CCSER1: variants seen among roughly 807,000 people sequenced by gnomAD.
The protein encoded by CCSER1 is coiled-coil serine rich protein 1.
Under a neutral mutation model 82.0 loss-of-function variants are expected in CCSER1, and 41 were observed. That is an observed-to-expected ratio of 0.50 (90% CI 0.39 to 0.65). The LOEUF is 0.65. Ranked by LOEUF, CCSER1 falls within the 30% of genes least tolerant of loss-of-function variation. The pLI, the probability that CCSER1 is intolerant of heterozygous loss-of-function variation, is 0.00. For missense variants in CCSER1, 1,119 were observed against 1,064.2 expected (o/e 1.05, Z -0.72); for synonymous variants, 414 against 383.9 (o/e 1.08, Z -0.92).
rs941447840 is a variant in CCSER1, at chr4:90,514,760, TA to T, written c.1724+46415del. Among the ~76,000 whole-genome samples, 7 of 148,702 alleles carry T rather than the reference TA, an allele frequency of 4.7e-5. 2 individuals carry two copies. The highest frequency in any genetic ancestry group is 4.3e-4 in the South Asian group (2 of 4,692). On this transcript the variant is annotated intron_variant, in intron 5 of 10. Coordinates refer to ENST00000509176, the MANE Select transcript of CCSER1 (RefSeq NM_001145065.2). ...GACAGAGGAGACGCCGTTGCAAAAA[TA>T]AAAAAAAAGAAAATATTTTAAACCT...
At chr4:90,602,398 T>C (rs1447887471) in intron 5 of CCSER1, among the ~76,000 whole-genome samples, 1 of 152,208 alleles carries the variant, frequency 6.6e-6, no homozygotes, top group African/African-American at 2.4e-5. Flanking sequence ...TATGACTTTA[T>C]ATTTGCATTT....
chr4:90,744,939 A>T (rs1480718304), intron 7 of CCSER1, among the ~76,000 whole-genome samples: 2 of 145,554 alleles, frequency 1.4e-5, no homozygotes, highest in South Asian at 4.3e-4. Flanking sequence ...TGTACTAAAA[A>T]TTCATACATT....
intron 1 of CCSER1, among the ~76,000 whole-genome samples, chr4:90,159,005 T>C (rs1728906186): frequency 6.6e-6 from 1 of 152,128 alleles, no homozygotes; most frequent in South Asian, 2.1e-4. Flanking sequence ...GCGCTGTTCC[T>C]ATTCGGCCAT....
chr4:91,182,048 T>C (rs1256513060), intron 10 of CCSER1, among the ~76,000 whole-genome samples: 1 of 152,192 alleles, frequency 6.6e-6, no homozygotes, highest in Non-Finnish European at 1.5e-5. Flanking sequence ...TGTCCCACTT[T>C]TGTTAGGTTG....
At chr4:90,331,972 CCT>C (rs1282688543) in intron 3 of CCSER1, among the ~76,000 whole-genome samples, 1 of 151,602 alleles carries the variant, frequency 6.6e-6, no homozygotes, top group Admixed American at 6.6e-5. Flanking sequence ...TATTTTTTCC[CCT>C]CTGTCCCCTT....
At position 90,750,422 on chromosome 4, in the gene CCSER1, A is replaced by C. The variant is rs536263463; in HGVS notation, c.2010+26431A>C. Reference sequence around the variant, plus strand: ...AGTTGCCAGCCCCATCTTTACTCCCACTTTGTTAGGTGCACAGCTTTTCTA... The same window carrying C: ...AGTTGCCAGCCCCATCTTTACTCCCCCTTTGTTAGGTGCACAGCTTTTCTA... On this transcript the variant is annotated intron_variant, in intron 7 of 10. Coordinates refer to ENST00000509176, the MANE Select transcript of CCSER1 (RefSeq NM_001145065.2). 3.9e-4 allele frequency among the ~76,000 whole-genome samples: 60 copies of C among 152,172 alleles called. 1 individual carries two copies. The South Asian group carries it at 7.7e-3, about 19-fold the overall frequency.
chr4:91,318,216 G>A (rs1745961699), intron 10 of CCSER1, among the ~76,000 whole-genome samples: 2 of 151,908 alleles, frequency 1.3e-5, no homozygotes. Context: ...TACTTCAATA[G>A]GGAATTATTT....
chr4:90,286,732 C>T (rs115992601), intron 1 of CCSER1, among the ~76,000 whole-genome samples: 1,877 of 151,998 alleles, frequency 0.012, 47 homozygotes, highest in African/African-American at 0.042. Context: ...TTCCTTTATG[C>T]CTAATGCAGA....
chr4:91,210,743 T>C (rs1736749610), intron 10 of CCSER1, among the ~76,000 whole-genome samples: 1 of 151,872 alleles, frequency 6.6e-6, no homozygotes, highest in South Asian at 2.1e-4. Flanking sequence ...CACTACAATT[T>C]CCTCAGCTGA....
rs566784915 is a variant in CCSER1 at position 91,031,206 on chromosome 4, A to G, written c.2173-54744A>G. Among the ~76,000 whole-genome samples, 16 of 152,294 alleles carry G rather than the reference A, an allele frequency of 1.1e-4. 1 individual carries two copies. The South Asian group carries it at 3.3e-3, about 32-fold the overall frequency. Reference sequence around the variant, plus strand: ...CTGCCTGGATGAGCTTGATTTTGATATAAAACCTGTAATTAATTTTTCACA... The same window carrying G: ...CTGCCTGGATGAGCTTGATTTTGATGTAAAACCTGTAATTAATTTTTCACA... On this transcript the variant is annotated intron_variant, in intron 9 of 10. Coordinates refer to ENST00000509176, the MANE Select transcript of CCSER1 (RefSeq NM_001145065.2).
chr4:90,648,284 G>GGAAAGAAAGAAAGGAAAGAAAGAAAGAAA (rs1728004104), intron 6 of CCSER1, among the ~76,000 whole-genome samples: 2 of 89,954 alleles, frequency 2.2e-5, no homozygotes, highest in African/African-American at 8.4e-5. Context: ...GAGAAAGAAA[G>GGAAAGAAAGAAAGGAAAGAAAGAAAGAAA]GAAAGAAAGA....
At chr4:91,199,667 GT>G (rs1258739577) in intron 10 of CCSER1, among the ~76,000 whole-genome samples, 1 of 151,974 alleles carries the variant, frequency 6.6e-6, no homozygotes, top group Middle Eastern at 3.2e-3. Flanking sequence ...TATAGAAAGA[GT>G]TTGAGAATCA....
chr4:90,976,990 G>A (rs1735670989), intron 9 of CCSER1, among the ~76,000 whole-genome samples: 1 of 151,528 alleles, frequency 6.6e-6, no homozygotes, highest in African/African-American at 2.4e-5. Context: ...ATGAGACACA[G>A]CTGTGCTTAA....
At chr4:90,470,777 A>G (rs144804919) in intron 5 of CCSER1, among the ~76,000 whole-genome samples, 1 of 150,768 alleles carries the variant, frequency 6.6e-6, no homozygotes, top group South Asian at 2.1e-4. Flanking sequence ...AAAAAAAAAA[A>G]AAAACAAAAC....
At chr4:90,743,816 A>C (rs922461285) in intron 7 of CCSER1, among the ~76,000 whole-genome samples, 1 of 152,178 alleles carries the variant, frequency 6.6e-6, no homozygotes, top group Non-Finnish European at 1.5e-5. Flanking sequence ...CATGCTAAAG[A>C]CTGATTAGTC....
At chr4:90,230,062 C>A (rs199877478) in intron 1 of CCSER1, among the ~76,000 whole-genome samples, 1 of 151,978 alleles carries the variant, frequency 6.6e-6, no homozygotes. Flanking sequence ...GACAGATCAA[C>A]GAGACAGAAA....
intron 7 of CCSER1, among the ~76,000 whole-genome samples, chr4:90,799,375 C>T (rs182296546): frequency 6.6e-6 from 1 of 152,224 alleles, no homozygotes; most frequent in East Asian, 1.9e-4. Context: ...GTGAGGTAAG[C>T]AAAGAAAAAT....
At chr4:91,122,715 A>T (rs1465047656) in intron 10 of CCSER1, among the ~76,000 whole-genome samples, 1 of 151,374 alleles carries the variant, frequency 6.6e-6, no homozygotes, top group Non-Finnish European at 1.5e-5. Context: ...AAGGTCAAAA[A>T]CAAAGAATAC....
chr4:91,105,743 C>A (rs972812412), intron 10 of CCSER1, among the ~76,000 whole-genome samples: 1 of 151,892 alleles, frequency 6.6e-6, no homozygotes, highest in African/African-American at 2.4e-5. Flanking sequence ...AATAAAATAA[C>A]CCTTGTAAAC....
Sources: allele counts gnomAD v4.1 joint callset (sites outside exome capture counted in the v4.1 genomes callset), GRCh38; gene constraint gnomAD v4.1.1; transcripts MANE v1.5; gene names NCBI Gene and HGNC (gene_info 2026-07-23, HGNC 2026-07-21).